RYR2: variants seen among roughly 807,000 people sequenced by gnomAD.
RYR2 encodes the protein cardiac muscle ryanodine receptor-calcium release channel.
RYR2 carries 227 observed loss-of-function variants against 601.1 expected under a neutral mutation model. The ratio of observed to expected loss-of-function variants is 0.38; its 90% confidence interval spans 0.34 to 0.42. RYR2 has a LOEUF of 0.42. RYR2 is among the 10% of genes least tolerant of loss of function. RYR2 has a pLI of 1.00. For synonymous variants in RYR2, 2,223 were observed against 2,175.1 expected (o/e 1.02, Z -0.61); for missense variants, 4,646 against 6,156.5 (o/e 0.75, Z 8.21).
intron 1 of RYR2, among the ~76,000 whole-genome samples, chr1:237,237,475 G>A (rs1054648925): frequency 4.6e-5 from 7 of 152,100 alleles, no homozygotes; most frequent in Non-Finnish European, 8.8e-5. Context: ...GACATGTTCC[G>A]TTACACTCTC....
chr1:237,568,064 T>G (rs1672284087), intron 28 of RYR2, among the ~76,000 whole-genome samples: 1 of 152,084 alleles, frequency 6.6e-6, no homozygotes, highest in African/African-American at 2.4e-5. Context: ...GAAGATCAGA[T>G]GTAATGAACC....
intron 2 of RYR2, among the ~76,000 whole-genome samples, chr1:237,282,260 C>T (rs1690976298): frequency 6.6e-6 from 1 of 151,470 alleles, no homozygotes; most frequent in African/African-American, 2.4e-5. Flanking sequence ...TTCTATTCAG[C>T]TTGGACATTG....
intron 73 of RYR2, among the ~76,000 whole-genome samples, chr1:237,721,863 T>G (rs1332378434): frequency 1.3e-5 from 2 of 152,196 alleles, no homozygotes; most frequent in African/African-American, 4.8e-5. Flanking sequence ...TATTATTTCT[T>G]TGAACTGATA....
In RYR2 at chr1:237,082,524, C is replaced by CATATATATATATATATATAT. The variant is rs71561856; in HGVS notation, c.48+39969_48+39988dup. On this transcript the variant is annotated intron_variant, in intron 1 of 104. Coordinates refer to ENST00000366574, the MANE Select transcript of RYR2 (RefSeq NM_001035.3). Reference sequence around the variant, plus strand: ...TGTTATATTCTTTCAAATAGGAAAACATATATATATATATATATATATATA... The same window carrying CATATATATATATATATATAT: ...TGTTATATTCTTTCAAATAGGAAAACATATATATATATATATATATATATATATATATATATATATATATA... Among the ~76,000 whole-genome samples the CATATATATATATATATATAT allele has an allele frequency of 6.8e-3, 542 of 79,868 alleles. 14 individuals are homozygous for CATATATATATATATATATAT. The highest frequency in any genetic ancestry group is 0.02 in the Middle Eastern group (2 of 102). 52.4% of individuals were successfully genotyped at this position (79,868 alleles called of 152,430 possible). A position where few individuals can be genotyped will look rare whatever the true frequency, so the allele number is the denominator to read the frequency against.
At chr1:237,133,647 T>C (rs1444562955) in intron 1 of RYR2, among the ~76,000 whole-genome samples, 1 of 152,160 alleles carries the variant, frequency 6.6e-6, no homozygotes, top group Non-Finnish European at 1.5e-5. Context: ...AGAGAGCAAC[T>C]TGTATAAGAA....
chr1:237,241,349 T>C (rs1376169953), intron 1 of RYR2, among the ~76,000 whole-genome samples: 2 of 152,222 alleles, frequency 1.3e-5, no homozygotes, highest in Non-Finnish European at 2.9e-5. Context: ...TGGAAGCCAA[T>C]GGGCAACAGT....
chr1:237,141,798 A>T (rs1256531337), intron 1 of RYR2, among the ~76,000 whole-genome samples: 1 of 152,164 alleles, frequency 6.6e-6, no homozygotes, highest in African/African-American at 2.4e-5. Flanking sequence ...GATCCTCTCC[A>T]GGATGTTTGG....
At chr1:237,829,768 A>C (rs1015213180) in intron 102 of RYR2, among the ~76,000 whole-genome samples, 1 of 152,210 alleles carries the variant, frequency 6.6e-6, no homozygotes, top group African/African-American at 2.4e-5. Flanking sequence ...AAAACAGCTT[A>C]CAACTGGCAG....
intron 41 of RYR2, among the ~76,000 whole-genome samples, chr1:237,629,843 T>TA (rs1349702109): frequency 2.0e-5 from 3 of 152,086 alleles, no homozygotes; most frequent in Non-Finnish European, 4.4e-5. Context: ...TTTAAAATTA[T>TA]AAAAATGGAT....
intron 1 of RYR2, among the ~76,000 whole-genome samples, chr1:237,153,476 C>T (rs764191816): frequency 6.6e-6 from 1 of 151,760 alleles, no homozygotes; most frequent in African/African-American, 2.4e-5. Context: ...TTCAACTTGG[C>T]GATAATATTT....
At chr1:237,394,368 T>A (rs1572122849) in intron 10 of RYR2, among the ~76,000 whole-genome samples, 2 of 152,250 alleles carry the variant, frequency 1.3e-5, no homozygotes, top group Non-Finnish European at 2.9e-5. Context: ...TCTCAAAACA[T>A]ACCTATTTTC....
At chr1:237,655,200 C>A (rs1201838124) in intron 52 of RYR2, among the ~76,000 whole-genome samples, 1 of 152,116 alleles carries the variant, frequency 6.6e-6, no homozygotes, top group Non-Finnish European at 1.5e-5. Context: ...TCATTTACAA[C>A]ATTTATTTAA....
chr1:237,642,625 C>T (rs6429032), intron 47 of RYR2, among the ~76,000 whole-genome samples: 19,777 of 152,120 alleles, frequency 0.13, 1,489 homozygotes, highest in African/African-American at 0.21. Context: ...TTATTTGAGG[C>T]CTCCTGTGTG....
At chr1:237,081,744 C>T (rs1475840615) in intron 1 of RYR2, among the ~76,000 whole-genome samples, 2 of 152,044 alleles carry the variant, frequency 1.3e-5, no homozygotes, top group Non-Finnish European at 2.9e-5. Flanking sequence ...AGACTTACCT[C>T]ATTTATATGG....
In RYR2 at chr1:237,385,168, C is replaced by T. The variant is rs553374084; in HGVS notation, c.577-2113C>T. Among the ~76,000 whole-genome samples the T allele has an allele frequency of 5.9e-5, 9 of 152,176 alleles. No homozygotes were observed. In the South Asian group the frequency reaches 1.2e-3, roughly 21 times the overall value. ...TCTCCCATAGTGCTGTGATTACAGG[C>T]GTGAGCCACCATGCCCGGCCGTATT... is the stretch of plus-strand genomic sequence containing the variant. On this transcript the variant is annotated intron_variant, in intron 8 of 104. Coordinates refer to ENST00000366574, the MANE Select transcript of RYR2 (RefSeq NM_001035.3).
chr1:237,371,560 A>G (rs1700643814), intron 6 of RYR2, among the ~76,000 whole-genome samples: 1 of 152,248 alleles, frequency 6.6e-6, no homozygotes, highest in South Asian at 2.1e-4. Context: ...AGAATATTAT[A>G]CAATATCTGT....
intron 1 of RYR2, among the ~76,000 whole-genome samples, chr1:237,211,378 A>G (rs943838097): frequency 1.1e-4 from 17 of 152,180 alleles, no homozygotes; most frequent in African/African-American, 3.6e-4. Context: ...TCTTTACAAG[A>G]TATCTTTGTT....
intron 1 of RYR2, among the ~76,000 whole-genome samples, chr1:237,136,095 C>T (rs1169156592): frequency 6.6e-6 from 1 of 152,218 alleles, no homozygotes; most frequent in African/African-American, 2.4e-5. Context: ...ACCAACATAA[C>T]TTGAGTGTCC....
At chr1:237,714,324 T>A (rs1329945675) in intron 71 of RYR2, among the ~76,000 whole-genome samples, 2 of 152,180 alleles carry the variant, frequency 1.3e-5, no homozygotes, top group Admixed American at 1.3e-4. Context: ...CTAACAATCA[T>A]ATAGTTAATA....
Sources: gnomAD v4.1 joint callset for allele counts (sites outside exome capture counted in the v4.1 genomes callset) on GRCh38, gnomAD v4.1.1 for gene constraint, MANE v1.5 for transcripts, NCBI Gene and HGNC (gene_info 2026-07-23, HGNC 2026-07-21) for gene names.